GULP1: variants seen among roughly 807,000 people sequenced by gnomAD.
GULP1 encodes PTB domain-containing engulfment adapter protein 1.
GULP1 carries 19 observed loss-of-function variants against 40.9 expected under a neutral mutation model. That is an observed-to-expected ratio of 0.46 (90% CI 0.32 to 0.68). The LOEUF (loss-of-function observed/expected upper bound fraction) is 0.68, where lower values mean the gene tolerates loss of function less well. GULP1 is among the 30% of genes least tolerant of loss of function. The probability of loss-of-function intolerance (pLI) is 0.03; values close to 1 mark genes in which losing one functional copy is unlikely to be tolerated. For synonymous variants in GULP1, 119 were observed against 117.6 expected, an observed-to-expected ratio of 1.01 and a Z score of -0.08; for missense variants, 312 against 362.2, an observed-to-expected ratio of 0.86 and a Z score of 1.12.
intron 4 of GULP1, among the ~76,000 whole-genome samples, chr2:188,497,499 C>T (rs1371190785): frequency 6.6e-6 from 1 of 151,830 alleles, no homozygotes; most frequent in Non-Finnish European, 1.5e-5. Context: ...CATGAAATAC[C>T]TTATAATGAG....
chr2:188,307,473 A>G (rs1418273336), intron 1 of GULP1, among the ~76,000 whole-genome samples: 1 of 152,068 alleles, frequency 6.6e-6, no homozygotes, highest in Non-Finnish European at 1.5e-5. Context: ...TGGTAGTAGG[A>G]AGTTTACAAT....
At chr2:188,531,219 C>T (rs1339112336) in intron 6 of GULP1, among the ~76,000 whole-genome samples, 3 of 152,192 alleles carry the variant, frequency 2.0e-5, no homozygotes, top group Admixed American at 6.5e-5. Context: ...CCTAGTGTTT[C>T]GCATGCACAT....
At position 188,353,162 on chromosome 2, in the gene GULP1, A is replaced by C. The variant is rs552665981; in HGVS notation, c.-171-30601A>C. Reference sequence around the variant, plus strand: ...AATGCTTTATGAGGTTCTTTATATGAATTATTTTAGGAAAAGACTTGGTAG... The same window carrying C: ...AATGCTTTATGAGGTTCTTTATATGCATTATTTTAGGAAAAGACTTGGTAG... On this transcript the variant is annotated intron_variant, in intron 1 of 11. Transcript: ENST00000409830. 4.6e-5 allele frequency among the ~76,000 whole-genome samples: 7 copies of C among 152,290 alleles called. No individual in the cohort carries two copies. The East Asian group carries it at 1.4e-3, about 29-fold the overall frequency.
At chr2:188,379,043 G>A (rs72909559) in intron 1 of GULP1, among the ~76,000 whole-genome samples, 1,761 of 152,030 alleles carry the variant, frequency 0.012, 14 homozygotes, top group Non-Finnish European at 0.02. Context: ...ATAACCAAAC[G>A]TTTCAAGGAA....
intron 8 of GULP1, 167 bp downstream of exon 8, chr2:188,569,522 A>AGTT (rs1223989977): frequency 3.4e-6 from 2 of 586,138 alleles, no homozygotes; most frequent in Non-Finnish European, 6.1e-6. Context: ...TCCCCTGCAC[A>AGTT]GTTTTTTTTT....
intron 2 of GULP1, among the ~76,000 whole-genome samples, chr2:188,435,927 C>G (rs1360838357): frequency 6.6e-6 from 1 of 152,094 alleles, no homozygotes. Flanking sequence ...CCCAGTCCCT[C>G]TTTTAATGAA....
At chr2:188,583,855 C>G (rs967323289) in intron 9 of GULP1, among the ~76,000 whole-genome samples, 1 of 152,100 alleles carries the variant, frequency 6.6e-6, no homozygotes, top group Admixed American at 6.6e-5. Context: ...TCTAATTATT[C>G]CAGTTTAAAA....
intron 4 of GULP1, among the ~76,000 whole-genome samples, chr2:188,492,193 A>G (rs2062459068): frequency 6.6e-6 from 1 of 152,082 alleles, no homozygotes; most frequent in African/African-American, 2.4e-5. Flanking sequence ...AAAACACAGG[A>G]TAACACAATG....
intron 7 of GULP1, among the ~76,000 whole-genome samples, chr2:188,547,721 T>C (rs1692347176): frequency 6.6e-6 from 1 of 152,110 alleles, no homozygotes; most frequent in Admixed American, 6.6e-5. Flanking sequence ...ATACTTTGCA[T>C]CCTTCAATCC....
At chr2:188,482,681 A>G (rs1399437773) in intron 3 of GULP1, among the ~76,000 whole-genome samples, 2 of 151,450 alleles carry the variant, frequency 1.3e-5, no homozygotes, top group Non-Finnish European at 3.0e-5. Context: ...ATTAAATTGA[A>G]AATATTAGTA....
At chr2:188,353,989 C>G (rs2044888817) in intron 1 of GULP1, among the ~76,000 whole-genome samples, 1 of 152,028 alleles carries the variant, frequency 6.6e-6, no homozygotes, top group Non-Finnish European at 1.5e-5. Flanking sequence ...GACACCCTAT[C>G]CTACAGGACA....
At chr2:188,314,302 A>AT (rs2038710642) in intron 1 of GULP1, among the ~76,000 whole-genome samples, 2 of 152,146 alleles carry the variant, frequency 1.3e-5, no homozygotes, top group Non-Finnish European at 1.5e-5. Context: ...CTTAAGAATC[A>AT]TTTTTTATTA....
chr2:188,401,660 T>C (rs2052314208), intron 2 of GULP1, among the ~76,000 whole-genome samples: 1 of 152,096 alleles, frequency 6.6e-6, no homozygotes, highest in Admixed American at 6.6e-5. Context: ...CCTCAAAATA[T>C]ATATGGGGAT....
At position 188,472,628 on chromosome 2, in the gene GULP1, T is replaced by A. The variant is rs566371266; in HGVS notation, c.-44-5031T>A. ...TTCAGGTCCAGAATTTCATTTCTGC[T>A]TGATTCCTTTTAATTATTTCAATCT... On this transcript the variant is annotated intron_variant, in intron 2 of 11. Transcript: ENST00000409830. Among the ~76,000 whole-genome samples the A allele has an allele frequency of 4.6e-5, 7 of 152,308 alleles. No individual in the cohort carries two copies. The Middle Eastern group carries it at 0.024, about 518-fold the overall frequency.
chr2:188,390,006 C>T (rs1214300292), intron 2 of GULP1, among the ~76,000 whole-genome samples: 2 of 151,422 alleles, frequency 1.3e-5, no homozygotes, highest in South Asian at 2.1e-4. Context: ...ACATATAGCA[C>T]GTTTTCTTTA....
intron 1 of GULP1, among the ~76,000 whole-genome samples, chr2:188,308,054 A>G (rs145622750): frequency 0.025 from 439 of 17,840 alleles, 2 homozygotes; most frequent in African/African-American, 0.068. Flanking sequence ...CCTGGGCTTT[A>G]TCTCTCACTC....
intron 1 of GULP1, among the ~76,000 whole-genome samples, chr2:188,332,606 A>G (rs1233473350): frequency 6.6e-6 from 1 of 152,134 alleles, no homozygotes; most frequent in Non-Finnish European, 1.5e-5. Context: ...TGGCATAAAT[A>G]ACAGATGTGC....
At chr2:188,416,143 T>G (rs1044796495) in intron 2 of GULP1, among the ~76,000 whole-genome samples, 1 of 152,174 alleles carries the variant, frequency 6.6e-6, no homozygotes, top group Non-Finnish European at 1.5e-5. Context: ...GAAATTCTTC[T>G]TAGGTGATTT....
chr2:188,587,895 C>T lies in GULP1; in HGVS notation c.789C>T (p.Asn263=), dbSNP rs371430933. 2.5e-6 allele frequency: 4 copies of T among 1,610,878 alleles called. No homozygotes were observed. The highest frequency in any genetic ancestry group is 2.7e-5 in the African/African-American group (2 of 74,834). Residue 263 remains asparagine, a synonymous_variant, in exon 11 of 12, where the codon AAC becomes AAT. Coordinates refer to ENST00000409830, the MANE Select transcript of GULP1 (RefSeq NM_016315.4). ...LFGAEPFDPF[N]CGAADFPPDI... ...GAGCAGAACCTTTTGACCCATTTAA[C>T]TGTGGAGCAGCAGATTTCCCTCCAG...
Sources: gnomAD v4.1 joint callset for allele counts (sites outside exome capture counted in the v4.1 genomes callset) on GRCh38, gnomAD v4.1.1 for gene constraint, MANE v1.5 for transcripts, NCBI Gene and HGNC (gene_info 2026-07-23, HGNC 2026-07-21) for gene names.